PYHIN1: variants seen among roughly 807,000 people sequenced by gnomAD.
PYHIN1 encodes the protein pyrin and HIN domain-containing protein 1.
PYHIN1 carries 32 observed loss-of-function variants against 43.7 expected under a neutral mutation model. The ratio of observed to expected loss-of-function variants is 0.73; its 90% CI spans 0.55 to 0.98. The LOEUF (loss-of-function observed/expected upper bound fraction) is 0.98, where lower values mean the gene tolerates loss of function less well. PYHIN1 is among the 50% of genes least tolerant of loss of function. The pLI is 0.00. For synonymous variants in PYHIN1, 205 were observed against 203.1 expected (o/e 1.01, Z -0.08); for missense variants, 588 against 589.5 (o/e 1.00, Z 0.03).
chr1:158,984,821 T>A, the PYHIN1 span, among the ~76,000 whole-genome samples: 2 of 152,208 alleles, frequency 1.3e-5, no homozygotes, highest in African/African-American at 4.8e-5. Context: ...GTTTTATGAA[T>A]CTGGTTGTGC....
At chr1:158,951,354 T>C (rs1649521181) in intron 7 of PYHIN1, among the ~76,000 whole-genome samples, 1 of 151,762 alleles carries the variant, frequency 6.6e-6, no homozygotes, top group African/African-American at 2.4e-5. Context: ...ATCTAGCAAT[T>C]GCTGAAGTCA....
intron 7 of PYHIN1, among the ~76,000 whole-genome samples, chr1:158,963,324 A>G (rs559416185): frequency 2.3e-4 from 35 of 152,286 alleles, no homozygotes; most frequent in African/African-American, 8.4e-4. Flanking sequence ...CCCACAGCAC[A>G]GCTGCCCCAT....
At chr1:158,974,073 C>T (rs1448946884) in intron 8 of PYHIN1, among the ~76,000 whole-genome samples, 1 of 152,016 alleles carries the variant, frequency 6.6e-6, no homozygotes, top group Non-Finnish European at 1.5e-5. Flanking sequence ...ACAGTATGTT[C>T]GTACCTTCTA....
chr1:158,968,081 A>T (rs566830469), intron 7 of PYHIN1, among the ~76,000 whole-genome samples: 5 of 152,182 alleles, frequency 3.3e-5, no homozygotes, highest in African/African-American at 1.2e-4. Flanking sequence ...AACATAAAGA[A>T]AAAATGACAA....
chr1:158,987,432 T>C, the PYHIN1 span, among the ~76,000 whole-genome samples: 1 of 152,188 alleles, frequency 6.6e-6, no homozygotes, highest in African/African-American at 2.4e-5. Flanking sequence ...AGTTGTATAG[T>C]TCCTTATAAG....
chr1:158,936,257 G>A (rs1241198298), intron 1 of PYHIN1, among the ~76,000 whole-genome samples: 1 of 124,900 alleles, frequency 8.0e-6, no homozygotes, highest in African/African-American at 3.2e-5. Context: ...TCCCCGTCCT[G>A]TGTCCATGTG....
At chr1:158,945,933 CAT>C (rs938752306) in intron 7 of PYHIN1, among the ~76,000 whole-genome samples, 2 of 151,944 alleles carry the variant, frequency 1.3e-5, no homozygotes, top group Non-Finnish European at 2.9e-5. Context: ...CACACTCAAA[CAT>C]AAAAAAAAAG....
chr1:158,932,745 T>A lies in PYHIN1; in HGVS notation c.-21+969T>A, dbSNP rs144764677. On this transcript the variant is annotated intron_variant, in intron 1 of 8. Transcript: ENST00000368140. ...AGTATGTTTAACTTTTACATTAGCATCATTCTATACCAGATGTGAAAGGCA... is the reference window on the plus strand; with the variant it reads ...AGTATGTTTAACTTTTACATTAGCAACATTCTATACCAGATGTGAAAGGCA... Among the ~76,000 whole-genome samples the A allele has an allele frequency of 2.7e-3, 416 of 152,334 alleles. 1 individual carries two copies. The highest frequency in any genetic ancestry group is 9.3e-3 in the African/African-American group (386 of 41,588).
At chr1:158,989,882 T>TAA in the PYHIN1 span, among the ~76,000 whole-genome samples, 16 of 150,166 alleles carry the variant, frequency 1.1e-4, no homozygotes, top group Admixed American at 1.3e-4. Context: ...AATTTCCTGT[T>TAA]AAAAAAAAAA....
chr1:158,964,248 C>T (rs1650490126), intron 7 of PYHIN1, among the ~76,000 whole-genome samples: 2 of 152,126 alleles, frequency 1.3e-5, no homozygotes, highest in South Asian at 4.1e-4. Flanking sequence ...AAGTCTAGAA[C>T]TCATTGGTGT....
At chr1:158,956,421 C>G (rs1309836368) in intron 7 of PYHIN1, among the ~76,000 whole-genome samples, 1 of 152,066 alleles carries the variant, frequency 6.6e-6, no homozygotes, top group Non-Finnish European at 1.5e-5. Context: ...AAGTGGGTTT[C>G]ATCCCTGGGA....
chr1:158,938,588 C>T, intron 3 of PYHIN1, 46 bp downstream of exon 3: 1 of 1,597,672 alleles, frequency 6.3e-7, no homozygotes, highest in Non-Finnish European at 8.6e-7. Context: ...ACAGTGGAAG[C>T]TCTGCTGTGG....
intron 5 of PYHIN1, among the ~76,000 whole-genome samples, chr1:158,943,521 GTC>G (rs1187247365): frequency 6.6e-6 from 1 of 152,168 alleles, no homozygotes; most frequent in Non-Finnish European, 1.5e-5. Context: ...AAGCATAGCA[GTC>G]TTGGAGGTGA....
intron 4 of PYHIN1, among the ~76,000 whole-genome samples, chr1:158,941,170 G>A (rs1648888698): frequency 6.6e-6 from 1 of 152,186 alleles, no homozygotes; most frequent in South Asian, 2.1e-4. Flanking sequence ...CTGCTGGTTT[G>A]TGAATGAAAC....
Position 158,942,261 on chromosome 1 carries a change from T to C in PYHIN1, c.864T>C (p.Ser288=), listed in dbSNP as rs1648967771. The change falls in exon 5 of 9, where the codon TCT becomes TCC. Residue 288 remains serine (S), a synonymous_variant. Coordinates refer to ENST00000368140, the MANE Select transcript of PYHIN1 (RefSeq NM_152501.5). ...NSLLEVNEAS[S]VSEAGPDQTF... ...TCCTAGAGGTGAATGAAGCCTCTTC[T>C]GTATCTGAAGCTGGTCCTGACCAAA... 6.2e-7 allele frequency: 1 copy of C among 1,614,138 alleles called. No individual in the cohort carries two copies. The highest frequency in any genetic ancestry group is 1.6e-4 in the Middle Eastern group (1 of 6,062).
At chr1:158,958,709 A>C (rs1650123781) in intron 7 of PYHIN1, among the ~76,000 whole-genome samples, 1 of 151,108 alleles carries the variant, frequency 6.6e-6, no homozygotes, top group Non-Finnish European at 1.5e-5. Context: ...ATACATATGT[A>C]ACTAACCTGC....
chr1:158,970,801 A>G (rs1305065323), intron 7 of PYHIN1, among the ~76,000 whole-genome samples: 1 of 152,042 alleles, frequency 6.6e-6, no homozygotes, highest in Admixed American at 6.6e-5. Context: ...TGGATTCTGA[A>G]GTAAAGCTGT....
chr1:158,951,401 C>T (rs1649523404), intron 7 of PYHIN1, among the ~76,000 whole-genome samples: 1 of 152,140 alleles, frequency 6.6e-6, no homozygotes, highest in Non-Finnish European at 1.5e-5. Flanking sequence ...CCAGAGTGGA[C>T]TTAATTAGAG....
At chr1:158,969,018 C>A (rs963690922) in intron 7 of PYHIN1, among the ~76,000 whole-genome samples, 3 of 151,970 alleles carry the variant, frequency 2.0e-5, no homozygotes, top group Non-Finnish European at 4.4e-5. Flanking sequence ...ACCTATGTAA[C>A]AAACCTGCAC....
Sources: gnomAD v4.1 joint callset for allele counts (sites outside exome capture counted in the v4.1 genomes callset) on GRCh38, gnomAD v4.1.1 for gene constraint, MANE v1.5 for transcripts, NCBI Gene and HGNC (gene_info 2026-07-23, HGNC 2026-07-21) for gene names.